The following TAS2R1 variants were observed in gnomAD, a reference collection of about 807,000 sequenced individuals.
The protein encoded by TAS2R1 is taste receptor type 2 member 1.
For synonymous variants in TAS2R1, 141 were observed against 134.2 expected, an observed-to-expected ratio of 1.05 and a Z score of -0.35; for missense variants, 370 against 353.4, an observed-to-expected ratio of 1.05 and a Z score of -0.38.
At chr5:9,700,432 G>A (rs547746146) in intron 1 of TAS2R1, among the ~76,000 whole-genome samples, 2 of 152,202 alleles carry the variant, frequency 1.3e-5, no homozygotes, top group Admixed American at 1.3e-4. Context: ...TACCCTGGAG[G>A]TGCCCTTCAC....
At chr5:9,787,178 A>C in the TAS2R1 span, among the ~76,000 whole-genome samples, 4 of 152,198 alleles carry the variant, frequency 2.6e-5, no homozygotes, top group African/African-American at 9.7e-5. Flanking sequence ...CTGTGGGGTG[A>C]AGTCAGGAAG....
chr5:9,850,519 T>A, the TAS2R1 span, among the ~76,000 whole-genome samples: 1 of 152,254 alleles, frequency 6.6e-6, no homozygotes, highest in African/African-American at 2.4e-5. Context: ...GCTTTCCATC[T>A]GCAGATGTTG....
chr5:9,866,476 A>T, the TAS2R1 span, among the ~76,000 whole-genome samples: 1 of 152,194 alleles, frequency 6.6e-6, no homozygotes, highest in African/African-American at 2.4e-5. Flanking sequence ...GAGACAATTT[A>T]AGACTTTGAA....
the TAS2R1 span, among the ~76,000 whole-genome samples, chr5:9,737,306 A>T: frequency 2.3e-4 from 35 of 152,202 alleles, no homozygotes; most frequent in Admixed American, 1.8e-3. Flanking sequence ...AGGAGGTTCT[A>T]GAATCTAGCC....
chr5:9,875,283 T>C, the TAS2R1 span, among the ~76,000 whole-genome samples: 2 of 152,204 alleles, frequency 1.3e-5, no homozygotes, highest in Non-Finnish European at 2.9e-5. Context: ...GGGTATGTCC[T>C]ACCTACAGAC....
At chr5:9,821,189 G>A in the TAS2R1 span, among the ~76,000 whole-genome samples, 1 of 152,306 alleles carries the variant, frequency 6.6e-6, no homozygotes, top group African/African-American at 2.4e-5. Context: ...GAACCTTAGA[G>A]ACTGAGAATC....
the TAS2R1 span, among the ~76,000 whole-genome samples, chr5:9,752,316 G>A: frequency 3.3e-5 from 5 of 152,136 alleles, no homozygotes; most frequent in Non-Finnish European, 7.4e-5. Context: ...TTTTGGCAAT[G>A]GCAGAAAATA....
the TAS2R1 span, among the ~76,000 whole-genome samples, chr5:9,883,080 A>T: frequency 1.3e-5 from 2 of 152,226 alleles, no homozygotes; most frequent in African/African-American, 4.8e-5. Flanking sequence ...TTGCAGGGAC[A>T]TGGATGGAGC....
At chr5:9,761,200 G>C in the TAS2R1 span, among the ~76,000 whole-genome samples, 1 of 152,214 alleles carries the variant, frequency 6.6e-6, no homozygotes, top group Admixed American at 6.5e-5. Flanking sequence ...TTGCCACTCT[G>C]AGAAGGTTGT....
chr5:9,891,929 C>G, the TAS2R1 span, among the ~76,000 whole-genome samples: 1 of 152,184 alleles, frequency 6.6e-6, no homozygotes, highest in East Asian at 1.9e-4. Flanking sequence ...CCAGTGCATC[C>G]TACCTAACCA....
intron 1 of TAS2R1, among the ~76,000 whole-genome samples, chr5:9,668,476 A>G (rs897818600): frequency 6.6e-6 from 1 of 152,170 alleles, no homozygotes; most frequent in East Asian, 1.9e-4. Context: ...TCCAAGATCA[A>G]AATGAAAGAA....
At chr5:9,830,190 T>C in the TAS2R1 span, among the ~76,000 whole-genome samples, 3 of 92,500 alleles carry the variant, frequency 3.2e-5, no homozygotes, top group Non-Finnish European at 5.8e-5. Flanking sequence ...GATGGATGGA[T>C]GGATGGATGG....
At chr5:9,840,871 T>A in the TAS2R1 span, among the ~76,000 whole-genome samples, 2,249 of 17,844 alleles carry the variant, frequency 0.13, 65 homozygotes, top group African/African-American at 0.34. Flanking sequence ...TTTTTTTTTT[T>A]TTTTTTTTTT....
the TAS2R1 span, among the ~76,000 whole-genome samples, chr5:9,835,827 C>T: frequency 4.5e-4 from 69 of 152,330 alleles, no homozygotes; most frequent in South Asian, 5.4e-3. Context: ...GCTTAGGATG[C>T]CTTGATCCCA....
the TAS2R1 span, among the ~76,000 whole-genome samples, chr5:9,823,627 A>T: frequency 7.9e-6 from 1 of 127,316 alleles, no homozygotes; most frequent in African/African-American, 2.9e-5. Flanking sequence ...GGAGAGGGAA[A>T]GGGAGGAAGG....
the TAS2R1 span, among the ~76,000 whole-genome samples, chr5:9,852,360 C>A: frequency 1.3e-5 from 2 of 152,042 alleles, no homozygotes; most frequent in Non-Finnish European, 2.9e-5. Flanking sequence ...TTTCACTCCC[C>A]AGAATTTTTT....
intron 1 of TAS2R1, among the ~76,000 whole-genome samples, chr5:9,675,421 T>TC (rs1740855831): frequency 6.9e-6 from 1 of 145,538 alleles, no homozygotes; most frequent in African/African-American, 2.5e-5. Flanking sequence ...TTCTTTTTCT[T>TC]TTTTTTTTTT....
At position 9,669,420 on chromosome 5, in the gene TAS2R1, C is replaced by T. The variant is rs148660430; in HGVS notation, c.-241-9839G>A. Among the ~76,000 whole-genome samples, 180 of 152,216 alleles carry T rather than the reference C, an allele frequency of 1.2e-3. 2 individuals are homozygous for T. The highest frequency in any genetic ancestry group is 4.0e-3 in the African/African-American group (167 of 41,558). On this transcript the variant is annotated intron_variant, in intron 1 of 2. Transcript: ENST00000506620. ...CATTTGACCAAATGGACCTAAGAAA[C>T]ATCTACAGAACTCTGTACCCCAAAA...
At chr5:9,808,359 T>C in the TAS2R1 span, among the ~76,000 whole-genome samples, 14 of 151,966 alleles carry the variant, frequency 9.2e-5, no homozygotes, top group African/African-American at 2.9e-4. Flanking sequence ...GCTGAGGAGA[T>C]TTCTGAGCAA....
Sources: gnomAD v4.1 joint callset for allele counts (sites outside exome capture counted in the v4.1 genomes callset) on GRCh38, gnomAD v4.1.1 for gene constraint, MANE v1.5 for transcripts, NCBI Gene and HGNC (gene_info 2026-07-23, HGNC 2026-07-21) for gene names.